The following IL1RAPL2 variants were observed in gnomAD, a reference collection of about 807,000 sequenced individuals.
The protein encoded by IL1RAPL2 is X-linked interleukin-1 receptor accessory protein-like 2.
In IL1RAPL2, 3 loss-of-function variants were observed where a neutral mutation model predicts 44.1. The observed-to-expected ratio is 0.07, with a 90% CI of 0.03 to 0.18. IL1RAPL2 has a LOEUF of 0.18. Among genes scored for constraint, IL1RAPL2 ranks in the 10% least tolerant of loss-of-function variants. The pLI, the probability that IL1RAPL2 is intolerant of heterozygous loss-of-function variation, is 1.00. For synonymous variants in IL1RAPL2, 181 were observed against 178.8 expected (o/e 1.01, Z -0.10); for missense variants, 391 against 496.4 (o/e 0.79, Z 2.02).
chrX:104,942,764 T>C (rs1925219946), intron 2 of IL1RAPL2, among the ~76,000 whole-genome samples: 2 of 111,547 alleles, frequency 1.8e-5, no homozygotes. Context: ...GGCATCCCTG[T>C]CTTGTGGCAG....
intron 6 of IL1RAPL2, among the ~76,000 whole-genome samples, chrX:105,505,742 A>G (rs1326047129): frequency 4.5e-5 from 5 of 111,500 alleles, no homozygotes; most frequent in Non-Finnish European, 9.4e-5. Flanking sequence ...TCATGATGTA[A>G]TTTATGTACA....
intron 2 of IL1RAPL2, among the ~76,000 whole-genome samples, chrX:104,964,460 C>T (rs1056234830): frequency 1.1e-4 from 12 of 108,908 alleles, no homozygotes; most frequent in African/African-American, 3.4e-4. Context: ...TACAGGCGCC[C>T]GCCACCACAC....
At chrX:105,376,054 G>A (rs909205729) in intron 5 of IL1RAPL2, among the ~76,000 whole-genome samples, 12 of 111,681 alleles carry the variant, frequency 1.1e-4, no homozygotes, top group Admixed American at 3.8e-4. Flanking sequence ...AGCTTTCTAG[G>A]AAGACTTGTC....
intron 10 of IL1RAPL2, among the ~76,000 whole-genome samples, chrX:105,756,434 C>CAATA (rs1160976039): frequency 1.8e-5 from 2 of 111,597 alleles, no homozygotes; most frequent in African/African-American, 6.5e-5. Context: ...TGCTGCTCCT[C>CAATA]AATAACATTT....
At chrX:104,904,806 G>A in intron 2 of IL1RAPL2, among the ~76,000 whole-genome samples, 1 of 107,560 alleles carries the variant, frequency 9.3e-6, no homozygotes, top group Non-Finnish European at 1.9e-5. Context: ...ATAGTCCTTT[G>A]GGTATATACC....
intron 2 of IL1RAPL2, among the ~76,000 whole-genome samples, chrX:104,885,617 CT>C (rs1923215085): frequency 9.0e-6 from 1 of 111,474 alleles, no homozygotes; most frequent in South Asian, 3.8e-4. Context: ...ACCTGGCAAC[CT>C]CGGTGTTCTA....
chrX:105,760,367 A>ATTAG (rs1275816969), intron 10 of IL1RAPL2, among the ~76,000 whole-genome samples: 2 of 112,356 alleles, frequency 1.8e-5, no homozygotes, highest in East Asian at 5.6e-4. Context: ...ACCAGTGAGA[A>ATTAG]TTAGTTACAC....
chrX:104,965,269 T>G (rs748586521), intron 2 of IL1RAPL2, among the ~76,000 whole-genome samples: 8 of 111,600 alleles, frequency 7.2e-5, no homozygotes, highest in Admixed American at 9.6e-5. Flanking sequence ...TGGCCAAGAA[T>G]AAAGAGAAAC....
intron 2 of IL1RAPL2, among the ~76,000 whole-genome samples, chrX:105,093,828 A>G (rs901820453): frequency 2.7e-5 from 3 of 111,808 alleles, no homozygotes; most frequent in Non-Finnish European, 5.6e-5. Flanking sequence ...ATGTGGCCAT[A>G]GGAAAATTAT....
intron 2 of IL1RAPL2, among the ~76,000 whole-genome samples, chrX:104,732,472 A>G (rs1931938391): frequency 8.9e-6 from 1 of 112,085 alleles, no homozygotes; most frequent in Non-Finnish European, 1.9e-5. Flanking sequence ...ATTTAAAAAC[A>G]CAGTAACAAT....
intron 1 of IL1RAPL2, among the ~76,000 whole-genome samples, chrX:104,633,710 C>T (rs184972139): frequency 3.0e-4 from 33 of 110,641 alleles, no homozygotes; most frequent in African/African-American, 6.6e-4. Flanking sequence ...TTTTTTATTG[C>T]GTCTATTTGA....
At chrX:104,954,572 A>G (rs1925665480) in intron 2 of IL1RAPL2, among the ~76,000 whole-genome samples, 1 of 110,061 alleles carries the variant, frequency 9.1e-6, no homozygotes, top group Admixed American at 9.7e-5. Context: ...GACAGGGTCT[A>G]GCTCTGTAGC....
At chrX:105,130,531 G>A (rs1449387410) in intron 2 of IL1RAPL2, among the ~76,000 whole-genome samples, 2 of 111,148 alleles carry the variant, frequency 1.8e-5, no homozygotes, top group African/African-American at 6.5e-5. Flanking sequence ...TTCCATCCAG[G>A]AGGATGCAAA....
chrX:104,966,402 G>T (rs1321704212), intron 2 of IL1RAPL2, among the ~76,000 whole-genome samples: 2 of 111,210 alleles, frequency 1.8e-5, no homozygotes, highest in African/African-American at 3.3e-5. Flanking sequence ...TATTTGTCAG[G>T]CAAATACTAA....
At chrX:104,946,877 C>T (rs1276847298) in intron 2 of IL1RAPL2, among the ~76,000 whole-genome samples, 79 of 95,107 alleles carry the variant, frequency 8.3e-4, no homozygotes, top group Non-Finnish European at 1.4e-3. Flanking sequence ...AATAAACATA[C>T]GTGTGCATGT....
At chrX:105,211,972 T>A in intron 3 of IL1RAPL2, among the ~76,000 whole-genome samples, 1 of 112,168 alleles carries the variant, frequency 8.9e-6, no homozygotes, top group Non-Finnish European at 1.9e-5. Flanking sequence ...AATCTGCAGA[T>A]CAGGAGATTT....
At chrX:105,726,388 T>C (rs2038352192) in intron 7 of IL1RAPL2, among the ~76,000 whole-genome samples, 1 of 111,320 alleles carries the variant, frequency 9.0e-6, no homozygotes, top group Non-Finnish European at 1.9e-5. Flanking sequence ...CTAGCAAGAA[T>C]CCTCAATTGT....
In IL1RAPL2 at chrX:104,754,310, T is replaced by C. The variant is rs1259099769; in HGVS notation, c.82+95315T>C. Among the ~76,000 whole-genome samples, 8 of 111,012 alleles carry C rather than the reference T, an allele frequency of 7.2e-5. No individual in the cohort carries two copies. The Admixed American group carries it at 7.6e-4, about 11-fold the overall frequency. On this transcript the variant is annotated intron_variant, in intron 2 of 10. Transcript: ENST00000372582. ...TTTTGAGTGTGGATCAAGGAGGTGG[T>C]TTTTACAATTTAAATATGATTGGCA...
intron 2 of IL1RAPL2, among the ~76,000 whole-genome samples, chrX:104,820,593 T>C (rs1469248212): frequency 8.9e-6 from 1 of 111,847 alleles, no homozygotes; most frequent in African/African-American, 3.3e-5. Flanking sequence ...GTCTAACTCA[T>C]AGGTCTAACT....
Sources: gnomAD v4.1 joint callset for allele counts (sites outside exome capture counted in the v4.1 genomes callset) on GRCh38, gnomAD v4.1.1 for gene constraint, MANE v1.5 for transcripts, NCBI Gene and HGNC (gene_info 2026-07-23, HGNC 2026-07-21) for gene names.